Variants in ERC1 observed in about 807,000 individuals in gnomAD.
ERC1 encodes ELKS/RAB6-interacting/CAST family member 1.
In ERC1, 56 loss-of-function variants were observed where a neutral mutation model predicts 132.0. The observed-to-expected ratio is 0.42, with a 90% CI of 0.34 to 0.53. ERC1 has a LOEUF of 0.53. ERC1 is among the 20% of genes least tolerant of loss of function. The pLI is 0.03. For missense variants in ERC1, 1,202 were observed against 1,349.9 expected (o/e 0.89, Z 1.72); for synonymous variants, 478 against 476.1 (o/e 1.00, Z -0.05).
At chr12:1,333,286 C>A (rs1317204417) in intron 15 of ERC1, among the ~76,000 whole-genome samples, 1 of 148,982 alleles carries the variant, frequency 6.7e-6, no homozygotes, top group African/African-American at 2.5e-5. Flanking sequence ...TGATCTCATT[C>A]TTTATTTATG....
At chr12:1,030,237 T>C (rs1439919019) in intron 2 of ERC1, among the ~76,000 whole-genome samples, 1 of 152,228 alleles carries the variant, frequency 6.6e-6, no homozygotes, top group Admixed American at 6.5e-5. Flanking sequence ...TATTACACTT[T>C]ATTTTTGGAT....
At chr12:1,255,626 T>G (rs77185839) in intron 13 of ERC1, among the ~76,000 whole-genome samples, 1,334 of 102,006 alleles carry the variant, frequency 0.013, 71 homozygotes, top group African/African-American at 0.062. Context: ...CTGGCCTTTT[T>G]TTTTTTTTTT....
chr12:1,116,116 T>A, intron 7 of ERC1, 83 bp downstream of exon 7: 6 of 1,238,992 alleles, frequency 4.8e-6, no homozygotes, highest in Non-Finnish European at 6.8e-6. Flanking sequence ...TTGTTATGTT[T>A]AGAATTGGGA....
chr12:1,233,670 A>T (rs1180572666), intron 12 of ERC1, among the ~76,000 whole-genome samples: 1 of 152,126 alleles, frequency 6.6e-6, no homozygotes, highest in African/African-American at 2.4e-5. Flanking sequence ...AACAAGTTGA[A>T]TTTCATCATG....
At chr12:1,058,814 C>T (rs141264680) in intron 2 of ERC1, among the ~76,000 whole-genome samples, 26 of 111,020 alleles carry the variant, frequency 2.3e-4, no homozygotes, top group East Asian at 7.8e-4. Context: ...TTTTAAGAGA[C>T]GAGGTCTTGC....
rs533824729 is a variant in ERC1, at chr12:1,273,757, G to A, written c.2619+10592G>A. ...TGGGTGGATGGATGGATGGATGGTC[G>A]GTCAGTCAGATGGACAGACAGATAG... On this transcript the variant is annotated intron_variant, in intron 14 of 18. Transcript: ENST00000360905. Among the ~76,000 whole-genome samples the A allele has an allele frequency of 1.7e-3, 255 of 152,020 alleles. 1 individual carries two copies. Among genetic ancestry groups the A allele is most frequent in the Non-Finnish European group, 2.8e-3 (187 of 67,978 alleles).
chr12:1,299,224 TG>T (rs2080209833), intron 15 of ERC1, among the ~76,000 whole-genome samples: 1 of 152,200 alleles, frequency 6.6e-6, no homozygotes, highest in African/African-American at 2.4e-5. Flanking sequence ...AGAAAATATA[TG>T]TTTTTTAAGT....
intron 16 of ERC1, among the ~76,000 whole-genome samples, chr12:1,397,160 C>T (rs1202082113): frequency 2.6e-5 from 4 of 152,290 alleles, no homozygotes; most frequent in Middle Eastern, 3.4e-3. Context: ...ACAACACACT[C>T]AATTAAGCAG....
chr12:1,378,712 CCCTT>C (rs2088246740), intron 16 of ERC1, among the ~76,000 whole-genome samples: 2 of 152,176 alleles, frequency 1.3e-5, no homozygotes, highest in African/African-American at 4.8e-5. Context: ...CAGCAGTCCT[CCCTT>C]CCTTTTCTCT....
intron 15 of ERC1, among the ~76,000 whole-genome samples, chr12:1,296,177 T>C (rs1006772765): frequency 2.6e-5 from 4 of 152,020 alleles, no homozygotes; most frequent in African/African-American, 9.7e-5. Flanking sequence ...TGTTTTTAAA[T>C]ACCAGCCAGG....
chr12:1,204,511 A>G (rs1314980392), intron 12 of ERC1: 2 of 1,591,742 alleles, frequency 1.3e-6, no homozygotes, highest in Admixed American at 1.7e-5. Context: ...TCTCACCTCA[A>G]GGTCAGTATG....
At chr12:1,326,580 G>T (rs1352760804) in intron 15 of ERC1, among the ~76,000 whole-genome samples, 2 of 152,156 alleles carry the variant, frequency 1.3e-5, no homozygotes, top group East Asian at 3.8e-4. Context: ...AACAGACTAG[G>T]TACTATAATT....
intron 12 of ERC1, among the ~76,000 whole-genome samples, chr12:1,195,197 A>G (rs978939848): frequency 5.3e-5 from 8 of 152,184 alleles, no homozygotes; most frequent in Admixed American, 1.3e-4. Flanking sequence ...TTATGTGACT[A>G]CCACCATGAT....
In ERC1 at chr12:1,337,291, T is replaced by C. The variant is rs192089940; in HGVS notation, c.2781-34542T>C. ...CTTCTTGTTGCATTGAACCCCTTACTATTTAGTAATGCTCTTCTTTTTCTT... is the reference window on the plus strand; with the variant it reads ...CTTCTTGTTGCATTGAACCCCTTACCATTTAGTAATGCTCTTCTTTTTCTT... On this transcript the variant is annotated intron_variant, in intron 15 of 18. Coordinates refer to ENST00000360905, the MANE Select transcript of ERC1 (RefSeq NM_178040.4). 2.8e-3 allele frequency among the ~76,000 whole-genome samples: 423 copies of C among 152,190 alleles called. 2 individuals are homozygous for C. The highest frequency in any genetic ancestry group is 2.6e-3 in the Non-Finnish European group (177 of 68,018).
At chr12:1,025,340 C>T (rs1013830797) in intron 1 of ERC1, among the ~76,000 whole-genome samples, 24 of 152,126 alleles carry the variant, frequency 1.6e-4, no homozygotes, top group African/African-American at 3.6e-4. Context: ...TGGCATTTCC[C>T]GTGTAGGAAT....
chr12:1,161,912 T>C (rs1951916372), intron 8 of ERC1, among the ~76,000 whole-genome samples: 1 of 152,182 alleles, frequency 6.6e-6, no homozygotes, highest in African/African-American at 2.4e-5. Context: ...ATTGTAATAT[T>C]TAGGGAGCAG....
intron 1 of ERC1, among the ~76,000 whole-genome samples, chr12:1,000,979 C>T (rs183804223): frequency 3.5e-4 from 54 of 152,140 alleles, no homozygotes; most frequent in Middle Eastern, 3.4e-3. Flanking sequence ...GATGCGATCT[C>T]GTCTCACGGC....
chr12:1,435,308 C>G (rs2092919016), intron 17 of ERC1, among the ~76,000 whole-genome samples: 1 of 152,006 alleles, frequency 6.6e-6, no homozygotes, highest in Non-Finnish European at 1.5e-5. Context: ...TTCCCGTGGG[C>G]AGGTCAGAAG....
At position 1,021,174 on chromosome 12, in the gene ERC1, C is replaced by A. The variant is rs981474717; in HGVS notation, c.-156-6574C>A. 2.0e-5 allele frequency among the ~76,000 whole-genome samples: 3 copies of A among 152,176 alleles called. No individual in the cohort carries two copies. The South Asian group carries it at 6.2e-4, about 32-fold the overall frequency. On this transcript the variant is annotated intron_variant, in intron 1 of 18. Coordinates refer to ENST00000360905, the MANE Select transcript of ERC1 (RefSeq NM_178040.4). ...CAAACTGGTCTCAAACTCCTGACCTCAAGTGATCTGCCTGTCTCAGCCTCC... is the reference window on the plus strand; with the variant it reads ...CAAACTGGTCTCAAACTCCTGACCTAAAGTGATCTGCCTGTCTCAGCCTCC...
Sources: gnomAD v4.1 joint callset for allele counts (sites outside exome capture counted in the v4.1 genomes callset) on GRCh38, gnomAD v4.1.1 for gene constraint, MANE v1.5 for transcripts, NCBI Gene and HGNC (gene_info 2026-07-23, HGNC 2026-07-21) for gene names.